ATP1B3: variants seen among roughly 807,000 people sequenced by gnomAD.
The protein encoded by ATP1B3 is ATPase Na+/K+ transporting subunit beta 3.
A neutral mutation model predicts 30.2 loss-of-function variants in ATP1B3; 10 were observed. That is an observed-to-expected ratio of 0.33 (90% CI 0.20 to 0.56). ATP1B3 has a LOEUF of 0.56. Among genes scored for constraint, ATP1B3 ranks in the 20% least tolerant of loss-of-function variants. The pLI, the probability that ATP1B3 is intolerant of heterozygous loss-of-function variation, is 0.90. For synonymous variants in ATP1B3, 113 were observed against 117.0 expected (o/e 0.97, Z 0.22); for missense variants, 238 against 336.7 (o/e 0.71, Z 2.29).
chr3:141,905,017 G>A (rs552170030), intron 2 of ATP1B3, among the ~76,000 whole-genome samples: 2 of 152,242 alleles, frequency 1.3e-5, no homozygotes, highest in South Asian at 4.1e-4. Context: ...GGCCTAAACA[G>A]TCTTTGAATG....
intron 1 of ATP1B3, chr3:141,902,196 T>C (rs1209294714): frequency 7.8e-7 from 1 of 1,289,802 alleles, no homozygotes; most frequent in Admixed American, 2.3e-5. Context: ...TCTCCTCTCT[T>C]CTGTCCTCTC....
chr3:141,924,842 A>G (rs1367675551), intron 6 of ATP1B3, among the ~76,000 whole-genome samples: 1 of 152,058 alleles, frequency 6.6e-6, no homozygotes, highest in African/African-American at 2.4e-5. Flanking sequence ...AATCCCACCT[A>G]CTTGGGAGGT....
chr3:141,884,874 C>T (rs1240024332), intron 1 of ATP1B3, among the ~76,000 whole-genome samples: 1 of 152,082 alleles, frequency 6.6e-6, no homozygotes, highest in Non-Finnish European at 1.5e-5. Flanking sequence ...TTCTCTTCTT[C>T]TTTCCTGGCA....
intron 2 of ATP1B3, 147 bp downstream of exon 2, chr3:141,903,895 C>A: frequency 1.1e-6 from 1 of 876,010 alleles, no homozygotes; most frequent in Non-Finnish European, 1.7e-6. Flanking sequence ...GATTCTCCTG[C>A]CTCCTCAGCC....
At chr3:141,883,270 T>C (rs1933766413) in intron 1 of ATP1B3, among the ~76,000 whole-genome samples, 2 of 152,286 alleles carry the variant, frequency 1.3e-5, no homozygotes, top group South Asian at 4.1e-4. Flanking sequence ...GGCGGATCAC[T>C]TGTGGCCAGG....
At chr3:141,894,673 A>C (rs1018275150) in intron 1 of ATP1B3, among the ~76,000 whole-genome samples, 14 of 152,156 alleles carry the variant, frequency 9.2e-5, no homozygotes, top group Admixed American at 6.5e-5. Context: ...TTCCACCTTC[A>C]TCTCTTGCCC....
chr3:141,895,201 T>G (rs1439972040), intron 1 of ATP1B3, among the ~76,000 whole-genome samples: 1 of 150,852 alleles, frequency 6.6e-6, no homozygotes, highest in Non-Finnish European at 1.5e-5. Flanking sequence ...TTTTTTTTTT[T>G]TTTTTAAGAT....
intron 1 of ATP1B3, among the ~76,000 whole-genome samples, chr3:141,888,602 G>A (rs1300192967): frequency 6.6e-6 from 1 of 152,058 alleles, no homozygotes; most frequent in Non-Finnish European, 1.5e-5. Flanking sequence ...AGGTTTAATT[G>A]ACTCACATGA....
chr3:141,876,737 C>G lies in ATP1B3; in HGVS notation c.-65C>G. ...GCTGCGCCGCCGGAGCCGGGACGCG[C>G]CTCCGCAGCCCTCGCCGCCTCCATC... On this transcript the variant is annotated 5_prime_UTR_variant, in exon 1 of 7. Coordinates refer to ENST00000286371, the MANE Select transcript of ATP1B3 (RefSeq NM_001679.4). The G allele has an allele frequency of 7.6e-7, 1 of 1,313,640 alleles. No homozygotes were observed. Among genetic ancestry groups the G allele is most frequent in the South Asian group, 1.2e-5 (1 of 80,972 alleles). 81.4% of individuals were successfully genotyped at this position (1,313,640 alleles called of 1,614,324 possible).
chr3:141,907,092 T>C, intron 2 of ATP1B3, 75 bp from the exon 3 acceptor site: 1 of 1,129,130 alleles, frequency 8.9e-7, no homozygotes, highest in Admixed American at 2.5e-5. Context: ...TTTGCTGAGA[T>C]CTGCTTTTTA....
intron 3 of ATP1B3, among the ~76,000 whole-genome samples, chr3:141,911,945 G>A (rs1183819926): frequency 6.6e-6 from 1 of 152,176 alleles, no homozygotes; most frequent in Non-Finnish European, 1.5e-5. Context: ...GGAAGTGGAA[G>A]TCAGCATAAT....
At chr3:141,880,607 T>C (rs1351487994) in intron 1 of ATP1B3, among the ~76,000 whole-genome samples, 2 of 152,228 alleles carry the variant, frequency 1.3e-5, no homozygotes, top group Non-Finnish European at 2.9e-5. Flanking sequence ...TTAACATTTT[T>C]TTAATGATGA....
At chr3:141,885,923 A>ACACACACG (rs1553743564) in intron 1 of ATP1B3, among the ~76,000 whole-genome samples, 1 of 140,986 alleles carries the variant, frequency 7.1e-6, no homozygotes, top group South Asian at 2.3e-4. Flanking sequence ...ACACACACAC[A>ACACACACG]CCCCTGTAGT....
At chr3:141,916,136 A>C in intron 5 of ATP1B3, 116 bp downstream of exon 5, 1 of 819,910 alleles carries the variant, frequency 1.2e-6, no homozygotes, top group Non-Finnish European at 1.9e-6. Flanking sequence ...AGTCCTTTGT[A>C]GTGCCTTAGA....
chr3:141,918,555 C>T (rs1446441745), intron 5 of ATP1B3, among the ~76,000 whole-genome samples: 1 of 152,026 alleles, frequency 6.6e-6, no homozygotes, highest in East Asian at 1.9e-4. Context: ...TCTCCTGCCT[C>T]AGCCTCCCAA....
In ATP1B3 at chr3:141,895,483, T is replaced by C. The variant is rs1184596026; in HGVS notation, c.110-8137T>C. ...GGGATTACAAGCGTGAGCCACTGCG[T>C]CCCGCCTCTTTTTTCTTTAGCATAA... On this transcript the variant is annotated intron_variant, in intron 1 of 6. Transcript: ENST00000286371. Among the ~76,000 whole-genome samples the C allele has an allele frequency of 2.6e-5, 4 of 152,134 alleles. No homozygotes were observed. The South Asian group carries it at 8.3e-4, about 32-fold the overall frequency.
chr3:141,898,265 T>C (rs1447438976), intron 1 of ATP1B3, among the ~76,000 whole-genome samples: 1 of 152,196 alleles, frequency 6.6e-6, no homozygotes, highest in African/African-American at 2.4e-5. Context: ...TGGTTCTTCA[T>C]CAAAATTAAT....
intron 5 of ATP1B3, among the ~76,000 whole-genome samples, chr3:141,917,499 T>C (rs1934487380): frequency 6.6e-6 from 1 of 151,682 alleles, no homozygotes; most frequent in South Asian, 2.1e-4. Flanking sequence ...ATCGAGACCA[T>C]CCTGGCCAAC....
chr3:141,914,709 A>T (rs1218450217), intron 4 of ATP1B3, among the ~76,000 whole-genome samples: 2 of 152,210 alleles, frequency 1.3e-5, no homozygotes, highest in Non-Finnish European at 2.9e-5. Context: ...TTGGTGAGCA[A>T]ATTGCCACCA....
Sources: gnomAD v4.1 joint callset for allele counts (sites outside exome capture counted in the v4.1 genomes callset) on GRCh38, gnomAD v4.1.1 for gene constraint, MANE v1.5 for transcripts, NCBI Gene and HGNC (gene_info 2026-07-23, HGNC 2026-07-21) for gene names.